Variants in TSPEAR observed in about 807,000 individuals in gnomAD.
TSPEAR encodes the protein thrombospondin-type laminin G domain and EAR repeat-containing protein.
TSPEAR carries 69 observed loss-of-function variants against 71.6 expected under a neutral mutation model. The ratio of observed to expected loss-of-function variants is 0.96; its 90% confidence interval spans 0.79 to 1.18. TSPEAR has a LOEUF of 1.18. TSPEAR is among the 50% of genes most tolerant of loss of function. TSPEAR has a pLI of 0.00. For missense variants in TSPEAR, 971 were observed against 894.9 expected, an observed-to-expected ratio of 1.09 and a Z score of -1.09; for synonymous variants, 402 against 387.2, an observed-to-expected ratio of 1.04 and a Z score of -0.45.
chr21:44,512,263 T>C (rs2052407844), intron 9 of TSPEAR, among the ~76,000 whole-genome samples: 1 of 143,942 alleles, frequency 6.9e-6, no homozygotes, highest in South Asian at 2.2e-4. Context: ...AACGAGGAGG[T>C]CAGATGTATG....
At chr21:44,633,390 T>G (rs2146212149) in intron 1 of TSPEAR, among the ~76,000 whole-genome samples, 1 of 152,344 alleles carries the variant, frequency 6.6e-6, no homozygotes, top group Middle Eastern at 3.4e-3. Flanking sequence ...CTCCATAAAC[T>G]GTTTTGCCGT....
At chr21:44,591,673 C>T (rs782383007) in intron 1 of TSPEAR, 1 of 1,578,752 alleles carries the variant, frequency 6.3e-7, no homozygotes. Flanking sequence ...GACGGGCACA[C>T]AGCAGGCGTG....
chr21:44,508,398 TGAAACCCGAGGAAACCTGG>T (rs1236979725), intron 10 of TSPEAR: 34 of 892,090 alleles, frequency 3.8e-5, no homozygotes, highest in Non-Finnish European at 4.6e-5. Context: ...TAGGAGTGCA[TGAAACCCGAGGAAACCTGG>T]GAAAGCCGCC....
chr21:44,520,715 T>C lies in TSPEAR; in HGVS notation c.1566+1168A>G, dbSNP rs782451865. The C allele has an allele frequency of 6.6e-6, 1 of 152,268 alleles. No individual in the cohort carries two copies. Among genetic ancestry groups the C allele is most frequent in the Non-Finnish European group, 1.5e-5 (1 of 68,074 alleles). 9.4% of individuals were successfully genotyped at this position (152,268 alleles called of 1,614,324 possible). ...ATCTTCCTCCCTTCTGTTTTGAAGCTCATTCCCATGTGCTACCTGCAGGCT... is the reference window on the plus strand; with the variant it reads ...ATCTTCCTCCCTTCTGTTTTGAAGCCCATTCCCATGTGCTACCTGCAGGCT... On this transcript the variant is annotated intron_variant, in intron 9 of 11. Coordinates refer to ENST00000323084, the MANE Select transcript of TSPEAR (RefSeq NM_144991.3). The surrounding 1 kb of genome is among the most constrained non-coding windows in gnomAD (Gnocchi z 4.2).
intron 1 of TSPEAR, among the ~76,000 whole-genome samples, chr21:44,698,583 TTTCCCCGCCAAGTTGCCA>T (rs1236928480): frequency 2.0e-5 from 3 of 152,160 alleles, no homozygotes; most frequent in Non-Finnish European, 4.4e-5. Context: ...CCGCCCCACA[TTTCCCCGCCAAGTTGCCA>T]GTCCCTGCCA....
At position 44,525,158 on chromosome 21, in the gene TSPEAR, T is replaced by G. The variant is rs1301115069; in HGVS notation, c.1336+495A>C. Among the ~76,000 whole-genome samples, 10 of 145,646 alleles carry G rather than the reference T, an allele frequency of 6.9e-5. No individual in the cohort carries two copies. In the East Asian group the frequency reaches 1.4e-3, roughly 20 times the overall value. ...GTCAGTCAGACAGTCAGGTAGTTAGTCAGTCAGTCAGTCAGTGAAGTAGTC... is the reference window on the plus strand; with the variant it reads ...GTCAGTCAGACAGTCAGGTAGTTAGGCAGTCAGTCAGTCAGTGAAGTAGTC... On this transcript the variant is annotated intron_variant, in intron 8 of 11. Coordinates refer to ENST00000323084, the MANE Select transcript of TSPEAR (RefSeq NM_144991.3).
At chr21:44,551,417 G>T (rs438117) in intron 2 of TSPEAR, 1 of 1,613,124 alleles carries the variant, frequency 6.2e-7, no homozygotes, top group South Asian at 1.1e-5. Context: ...GCCAGGAGTT[G>T]GTGCAGGCGC....
At chr21:44,574,115 C>T in intron 1 of TSPEAR, 1 of 1,597,146 alleles carries the variant, frequency 6.3e-7, no homozygotes. Flanking sequence ...AGACTGTCTG[C>T]TGCAAGCCTG....
At chr21:44,618,898 G>A (rs1465192000) in intron 1 of TSPEAR, among the ~76,000 whole-genome samples, 1 of 152,206 alleles carries the variant, frequency 6.6e-6, no homozygotes, top group Non-Finnish European at 1.5e-5. Context: ...TAAAAAGCCT[G>A]GGAGGAAAAG....
Position 44,533,942 on chromosome 21 carries a change from G to A in TSPEAR, c.304-19C>T, listed in dbSNP as rs587607999. 10 of 1,593,506 alleles carry A rather than the reference G, an allele frequency of 6.3e-6. No individual in the cohort carries two copies. In the East Asian group the frequency reaches 6.8e-5, roughly 11 times the overall value. ...CGTTCCTCTGTGGAGAGCGGGCCAG[G>A]CTCAGGACGGGGCTGGGGGTAGGGG... On this transcript the variant is annotated intron_variant, in intron 2 of 11. Transcript: ENST00000323084.
At chr21:44,590,549 G>A (rs1336954997) in intron 1 of TSPEAR, among the ~76,000 whole-genome samples, 7 of 152,188 alleles carry the variant, frequency 4.6e-5, no homozygotes, top group East Asian at 3.9e-4. Context: ...AGAACCCCAC[G>A]AATACTGGGC....
intron 8 of TSPEAR, among the ~76,000 whole-genome samples, chr21:44,525,121 A>G (rs1294152413): frequency 6.6e-6 from 1 of 150,514 alleles, no homozygotes; most frequent in Non-Finnish European, 1.5e-5. Flanking sequence ...CCAATCAGGT[A>G]TCAGTCAGGT....
Position 44,687,925 on chromosome 21 carries a change from T to G in TSPEAR, c.82+23508A>C, listed in dbSNP as rs1986933004. Among the ~76,000 whole-genome samples the G allele has an allele frequency of 2.6e-5, 4 of 152,170 alleles. No individual in the cohort carries two copies. In the South Asian group the frequency reaches 8.3e-4, roughly 32 times the overall value. ...CTTCCCCTGCAGTGCCTGTGAAATA[T>G]GATGCACTGACAGAGGCCGGCTCGG... On this transcript the variant is annotated intron_variant, in intron 1 of 11. Coordinates refer to ENST00000323084, the MANE Select transcript of TSPEAR (RefSeq NM_144991.3). This position sits in a 1 kb window ranked among gnomAD's most constrained non-coding sequence, Gnocchi z 4.4.
intron 1 of TSPEAR, among the ~76,000 whole-genome samples, chr21:44,640,393 G>T (rs1405961717): frequency 1.3e-5 from 2 of 152,244 alleles, no homozygotes; most frequent in African/African-American, 4.8e-5. Context: ...TGGTGGAGGG[G>T]CTCATGAGGA....
At position 44,499,842 on chromosome 21, in the gene TSPEAR, G is replaced by A; in HGVS notation, c.1951C>T (p.Leu651Phe). ...GGCTCCTTGGCGCTGGAGTAGATGA[G>A]GTAGGCACCAGCCGTGGTGCTGAAG... ...EAFSTTAGAY[L>F]IYSSAKEPLS... Residue 651 changes from leucine to phenylalanine, a missense_variant, in exon 12 of 12, where the codon CTC becomes TTC. By Grantham distance (22) the Leu-to-Phe change is conservative (BLOSUM62 0). Transcript: ENST00000323084. 6.3e-7 allele frequency: 1 copy of A among 1,597,382 alleles called. No homozygotes were observed. The highest frequency in any genetic ancestry group is 1.1e-5 in the South Asian group (1 of 88,212).
intron 2 of TSPEAR, among the ~76,000 whole-genome samples, chr21:44,562,742 T>G (rs1194257408): frequency 1.3e-5 from 2 of 152,076 alleles, no homozygotes; most frequent in Non-Finnish European, 2.9e-5. Context: ...GAAAAAAAAG[T>G]CAGCCAAGAA....
At chr21:44,537,986 C>T (rs2053118749) in intron 2 of TSPEAR, among the ~76,000 whole-genome samples, 2 of 152,192 alleles carry the variant, frequency 1.3e-5, no homozygotes, top group African/African-American at 4.8e-5. Flanking sequence ...CACTGAGGGC[C>T]CTGGGCAGCA....
rs1555953592 is a variant in TSPEAR, at chr21:44,711,415, C to T, written c.82+18G>A. 6.3e-7 allele frequency: 1 copy of T among 1,579,666 alleles called. No individual in the cohort carries two copies. On this transcript the variant is annotated intron_variant, in intron 1 of 11. Coordinates refer to ENST00000323084, the MANE Select transcript of TSPEAR (RefSeq NM_144991.3). This position sits in a 1 kb window ranked among gnomAD's most constrained non-coding sequence, Gnocchi z 4.5. ...CCGGCAAGATACCCCCGCCCGAGTTCCCATGCCCCTGCCTTACCTGTGCAG... is the reference window on the plus strand; with the variant it reads ...CCGGCAAGATACCCCCGCCCGAGTTTCCATGCCCCTGCCTTACCTGTGCAG...
At chr21:44,517,636 T>G (rs1327230226) in intron 9 of TSPEAR, 2 of 396,198 alleles carry the variant, frequency 5.0e-6, no homozygotes, top group African/African-American at 4.1e-5. Context: ...GCTCCTTGTC[T>G]GACTTGATAT....
Sources: gnomAD v4.1 joint callset for allele counts (sites outside exome capture counted in the v4.1 genomes callset) on GRCh38, gnomAD v4.1.1 for gene constraint, Gnocchi (gnomAD v3.1) non-coding constraint, MANE v1.5 for transcripts, NCBI Gene and HGNC (gene_info 2026-07-23, HGNC 2026-07-21) for gene names.